Variants in MCTP1 observed in about 807,000 individuals in gnomAD.
MCTP1 encodes multiple C2 and transmembrane domain containing 1, also known as multiple C2 and transmembrane domain-containing protein 1.
In MCTP1, 69 loss-of-function variants were observed where a neutral mutation model predicts 120.6. That is an observed-to-expected ratio of 0.57 (90% CI 0.47 to 0.70). The LOEUF (loss-of-function observed/expected upper bound fraction) is 0.70. Ranked by LOEUF, MCTP1 falls within the 30% of genes least tolerant of loss-of-function variation. MCTP1 has a pLI of 0.00. For missense variants in MCTP1, 1,203 were observed against 1,248.8 expected, an observed-to-expected ratio of 0.96 and a Z score of 0.55; for synonymous variants, 529 against 493.1, an observed-to-expected ratio of 1.07 and a Z score of -0.96.
chr5:94,920,274 T>C (rs1286852379), intron 7 of MCTP1, among the ~76,000 whole-genome samples: 1 of 19,890 alleles, frequency 5.0e-5, no homozygotes, highest in African/African-American at 1.1e-4. Context: ...AGAGACCTGT[T>C]TTTTTTTTTT....
chr5:94,945,337 C>T (rs1365711839), intron 3 of MCTP1, among the ~76,000 whole-genome samples: 2 of 152,168 alleles, frequency 1.3e-5, no homozygotes, highest in Non-Finnish European at 2.9e-5. Context: ...TTACTGTTTA[C>T]TAAAAATCCA....
intron 1 of MCTP1, among the ~76,000 whole-genome samples, chr5:95,172,125 A>G (rs918977842): frequency 1.3e-5 from 2 of 152,096 alleles, no homozygotes; most frequent in African/African-American, 2.4e-5. Context: ...TTTCCTTCTA[A>G]CAGTCAGGAC....
chr5:95,247,766 T>C (rs1302146878), intron 1 of MCTP1, among the ~76,000 whole-genome samples: 1 of 152,236 alleles, frequency 6.6e-6, no homozygotes, highest in African/African-American at 2.4e-5. Flanking sequence ...CAGTTTGTTG[T>C]GATTTCTATT....
intron 1 of MCTP1, among the ~76,000 whole-genome samples, chr5:95,128,122 A>C (rs1758769295): frequency 6.6e-6 from 1 of 152,252 alleles, no homozygotes; most frequent in Admixed American, 6.5e-5. Flanking sequence ...TAAAGGCTGG[A>C]AGGCTAAACA....
chr5:95,139,657 T>A (rs1050971738), intron 1 of MCTP1, among the ~76,000 whole-genome samples: 5 of 152,240 alleles, frequency 3.3e-5, no homozygotes, highest in Non-Finnish European at 4.4e-5. Flanking sequence ...TTTCTATTTT[T>A]AGTTACATAT....
At chr5:94,894,501 G>T in intron 11 of MCTP1, 148 bp downstream of exon 11, 1 of 518,308 alleles carries the variant, frequency 1.9e-6, no homozygotes, top group East Asian at 2.9e-5. Context: ...GCAAAGGTCT[G>T]TGTGGCATTT....
intron 1 of MCTP1, among the ~76,000 whole-genome samples, chr5:95,079,269 T>G (rs1252558244): frequency 6.6e-6 from 1 of 152,142 alleles, no homozygotes; most frequent in African/African-American, 2.4e-5. Flanking sequence ...TAACATATAC[T>G]AAGCACCTAT....
At position 94,978,347 on chromosome 5, in the gene MCTP1, T is replaced by C. The variant is rs1417045527; in HGVS notation, c.839-24986A>G. The stretch of plus-strand genomic sequence containing the variant: ...ACCATATGATTTAGCAATCTGACTT[T>C]TTAGTATTTATCTAAAAGAACTGAA... On this transcript the variant is annotated intron_variant, in intron 2 of 22. Coordinates refer to ENST00000515393, the MANE Select transcript of MCTP1 (RefSeq NM_024717.7). Among the ~76,000 whole-genome samples, 9 of 152,208 alleles carry C rather than the reference T, an allele frequency of 5.9e-5. No individual in the cohort carries two copies. In the East Asian group the frequency reaches 1.7e-3, roughly 29 times the overall value.
chr5:94,888,209 A>C (rs1413375254), intron 12 of MCTP1, among the ~76,000 whole-genome samples: 1 of 152,242 alleles, frequency 6.6e-6, no homozygotes, highest in Admixed American at 6.5e-5. Context: ...ATAATGATTT[A>C]ATTCTGGAAA....
At chr5:94,923,843 G>T in intron 7 of MCTP1, 119 bp downstream of exon 7, 2 of 585,352 alleles carry the variant, frequency 3.4e-6, no homozygotes, top group South Asian at 2.4e-5. Flanking sequence ...GAAGGCAAAT[G>T]AATACCTCTA....
At chr5:94,795,565 A>C (rs915807147) in intron 18 of MCTP1, among the ~76,000 whole-genome samples, 1 of 152,242 alleles carries the variant, frequency 6.6e-6, no homozygotes, top group Non-Finnish European at 1.5e-5. Flanking sequence ...AGCTCAAACC[A>C]ACAGAAGGAT....
chr5:95,169,176 C>G (rs147860492), intron 1 of MCTP1, among the ~76,000 whole-genome samples: 3,232 of 152,278 alleles, frequency 0.021, 45 homozygotes, highest in African/African-American at 0.044. Flanking sequence ...GTCTTTGGTT[C>G]TGTTTATATG....
chr5:94,839,320 C>T (rs255212), intron 17 of MCTP1, among the ~76,000 whole-genome samples: 115,117 of 152,018 alleles, frequency 0.76, 44,650 homozygotes, highest in Non-Finnish European at 0.85. Context: ...CTTATGTATA[C>T]ATCACATTAC....
At chr5:94,738,277 CT>C (rs1424215201) in intron 19 of MCTP1, among the ~76,000 whole-genome samples, 3 of 152,136 alleles carry the variant, frequency 2.0e-5, no homozygotes, top group Non-Finnish European at 4.4e-5. Context: ...CCACCCTTGC[CT>C]TATCGTTGTG....
intron 2 of MCTP1, among the ~76,000 whole-genome samples, chr5:95,001,078 T>C (rs1833589480): frequency 6.6e-6 from 1 of 152,228 alleles, no homozygotes; most frequent in Admixed American, 6.5e-5. Context: ...TGGTTTTATA[T>C]GCATCTGGCA....
chr5:95,221,371 C>T (rs1053108095), intron 1 of MCTP1, among the ~76,000 whole-genome samples: 3 of 152,208 alleles, frequency 2.0e-5, no homozygotes, highest in Non-Finnish European at 2.9e-5. Flanking sequence ...AAATTTGCCT[C>T]CCACTTGGGC....
At chr5:94,963,182 C>T (rs1242027472) in intron 2 of MCTP1, among the ~76,000 whole-genome samples, 2 of 152,062 alleles carry the variant, frequency 1.3e-5, no homozygotes, top group Non-Finnish European at 2.9e-5. Flanking sequence ...AACATACAGT[C>T]AAACTATAGC....
chr5:95,262,754 T>C (rs985129272), intron 1 of MCTP1, among the ~76,000 whole-genome samples: 3 of 152,134 alleles, frequency 2.0e-5, no homozygotes, highest in Admixed American at 1.3e-4. Context: ...CCTCGAGATA[T>C]TACTTTAACA....
intron 1 of MCTP1, among the ~76,000 whole-genome samples, chr5:95,198,554 A>T (rs557209387): frequency 1.3e-5 from 2 of 152,338 alleles, no homozygotes; most frequent in South Asian, 2.1e-4. Context: ...GGTATTTAGT[A>T]GGTTAGGTGG....
Sources: gnomAD v4.1 joint callset for allele counts (sites outside exome capture counted in the v4.1 genomes callset) on GRCh38, gnomAD v4.1.1 for gene constraint, MANE v1.5 for transcripts, NCBI Gene and HGNC (gene_info 2026-07-23, HGNC 2026-07-21) for gene names.